Variants in GRM7 observed in about 807,000 individuals in gnomAD.
GRM7 encodes metabotropic glutamate receptor 7.
In GRM7, 35 loss-of-function variants were observed where a neutral mutation model predicts 84.5. The observed-to-expected ratio is 0.41, with a 90% CI of 0.32 to 0.55. GRM7 has a LOEUF of 0.55. GRM7 is among the 20% of genes least tolerant of loss of function. The pLI is 0.19. For synonymous variants in GRM7, 487 were observed against 455.1 expected (o/e 1.07, Z -0.89); for missense variants, 1,003 against 1,194.6 (o/e 0.84, Z 2.36).
chr3:6,998,119 C>A lies in GRM7; in HGVS notation c.519+136212C>A, dbSNP rs1213643572. ...GGGCAAAAACAGCAAATCTCCATCT[C>A]AAAAAAAAAAAAAAAAAAAAGCAGG... On this transcript the variant is annotated intron_variant, in intron 1 of 9. Transcript: ENST00000357716. Among the ~76,000 whole-genome samples the A allele has an allele frequency of 2.7e-3, 50 of 18,420 alleles. 1 individual carries two copies. Among genetic ancestry groups the A allele is most frequent in the South Asian group, 0.02 (3 of 148 alleles). The allele number at this position is 18,420 out of a possible 152,430, so 12.1% of individuals were successfully genotyped here.
chr3:7,047,614 A>G (rs768642404), intron 1 of GRM7, among the ~76,000 whole-genome samples: 63 of 152,196 alleles, frequency 4.1e-4, no homozygotes, highest in Middle Eastern at 3.4e-3. Context: ...AGTGGTCCCT[A>G]TTGTCTAGTA....
intron 7 of GRM7, among the ~76,000 whole-genome samples, chr3:7,517,798 A>G (rs1456512014): frequency 1.3e-5 from 2 of 152,220 alleles, no homozygotes; most frequent in East Asian, 1.9e-4. Flanking sequence ...TAATGATTCA[A>G]TACATCTGAA....
At chr3:6,983,426 G>T (rs768784295) in intron 1 of GRM7, among the ~76,000 whole-genome samples, 1 of 152,122 alleles carries the variant, frequency 6.6e-6, no homozygotes, top group African/African-American at 2.4e-5. Flanking sequence ...AACTTCAGGG[G>T]ATGAATGGGG....
intron 1 of GRM7, among the ~76,000 whole-genome samples, chr3:6,999,665 G>A (rs1027138371): frequency 3.3e-5 from 5 of 152,172 alleles, no homozygotes; most frequent in African/African-American, 1.2e-4. Flanking sequence ...CAATCATGGT[G>A]GAAGAGGAAG....
At position 7,249,017 on chromosome 3, in the gene GRM7, T is replaced by G. The variant is rs192630884; in HGVS notation, c.737-49667T>G. Among the ~76,000 whole-genome samples the G allele has an allele frequency of 3.5e-4, 54 of 152,264 alleles. No homozygotes were observed. The East Asian group carries it at 0.01, about 28-fold the overall frequency. ...AGACAGCCATAGATATGAACATGGA[T>G]ATAGATATTTACATTAACTCGAGGA... On this transcript the variant is annotated intron_variant, in intron 2 of 9. Coordinates refer to ENST00000357716, the MANE Select transcript of GRM7 (RefSeq NM_000844.4).
chr3:7,446,358 G>C (rs952001062), intron 5 of GRM7, among the ~76,000 whole-genome samples: 1 of 151,680 alleles, frequency 6.6e-6, no homozygotes, highest in African/African-American at 2.4e-5. Context: ...GTCTACATTA[G>C]TAAACATCTT....
At chr3:6,918,665 G>A (rs1001788189) in intron 1 of GRM7, among the ~76,000 whole-genome samples, 3 of 152,178 alleles carry the variant, frequency 2.0e-5, no homozygotes, top group Non-Finnish European at 4.4e-5. Context: ...GTTCCCTAGA[G>A]TGCCAGAAAC....
chr3:7,562,367 A>G (rs912208407), intron 7 of GRM7, among the ~76,000 whole-genome samples: 3 of 152,020 alleles, frequency 2.0e-5, no homozygotes, highest in Non-Finnish European at 4.4e-5. Context: ...AAAAAGAAAA[A>G]AAAAATACTA....
chr3:6,901,764 T>C (rs71298403), intron 1 of GRM7, among the ~76,000 whole-genome samples: 1 of 151,904 alleles, frequency 6.6e-6, no homozygotes, highest in Non-Finnish European at 1.5e-5. Flanking sequence ...TTTAACTTTG[T>C]GTTGACTAGT....
intron 1 of GRM7, among the ~76,000 whole-genome samples, chr3:7,121,906 T>C (rs1411738333): frequency 6.6e-6 from 1 of 152,142 alleles, no homozygotes; most frequent in Non-Finnish European, 1.5e-5. Flanking sequence ...GTGAAAGTCA[T>C]TATGGAAGGA....
intron 6 of GRM7, 113 bp downstream of exon 6, chr3:7,452,920 T>A: frequency 1.5e-6 from 1 of 663,060 alleles, no homozygotes; most frequent in Non-Finnish European, 2.6e-6. Flanking sequence ...ACTTGCTTGA[T>A]TATAAAACTT....
At chr3:7,276,804 T>TCCCTCCCTCCC (rs1699086357) in intron 2 of GRM7, among the ~76,000 whole-genome samples, 1 of 294 alleles carries the variant, frequency 3.4e-3, no homozygotes, top group African/African-American at 6.0e-3. Context: ...CCTTCCTTCC[T>TCCCTCCCTCCC]TTTTGGTGGT....
intron 1 of GRM7, among the ~76,000 whole-genome samples, chr3:7,024,070 G>A (rs183302573): frequency 7.7e-4 from 118 of 152,274 alleles, no homozygotes; most frequent in African/African-American, 2.5e-3. Context: ...GGTTCAAGTG[G>A]CTCCGGTAAC....
At chr3:7,332,257 C>A (rs1339306149) in intron 4 of GRM7, among the ~76,000 whole-genome samples, 1 of 152,122 alleles carries the variant, frequency 6.6e-6, no homozygotes, top group Non-Finnish European at 1.5e-5. Flanking sequence ...ATGATTCTCC[C>A]AACAACTTTG....
chr3:7,019,808 A>G (rs1695712524), intron 1 of GRM7, among the ~76,000 whole-genome samples: 1 of 152,188 alleles, frequency 6.6e-6, no homozygotes, highest in African/African-American at 2.4e-5. Context: ...AAAAAACCCA[A>G]TTTGACCGAA....
chr3:7,559,858 T>C (rs998001976), intron 7 of GRM7, among the ~76,000 whole-genome samples: 2 of 151,982 alleles, frequency 1.3e-5, no homozygotes, highest in African/African-American at 4.8e-5. Flanking sequence ...TGGTGAGGGC[T>C]CTCCTCTGGG....
chr3:6,967,306 G>A (rs1693560098), intron 1 of GRM7, among the ~76,000 whole-genome samples: 1 of 152,072 alleles, frequency 6.6e-6, no homozygotes, highest in Non-Finnish European at 1.5e-5. Flanking sequence ...GATCTTCCCA[G>A]CTCAGCCTCC....
chr3:7,395,259 TG>T (rs1427536653), intron 4 of GRM7, among the ~76,000 whole-genome samples: 1 of 152,200 alleles, frequency 6.6e-6, no homozygotes, highest in African/African-American at 2.4e-5. Flanking sequence ...TGTATTCACA[TG>T]TATCTATGAT....
chr3:7,438,393 T>C (rs1697146719), intron 5 of GRM7, among the ~76,000 whole-genome samples: 1 of 151,974 alleles, frequency 6.6e-6, no homozygotes. Flanking sequence ...CACCCCCATT[T>C]CTGGCGTACA....
Sources: gnomAD v4.1 joint callset for allele counts (sites outside exome capture counted in the v4.1 genomes callset) on GRCh38, gnomAD v4.1.1 for gene constraint, MANE v1.5 for transcripts, NCBI Gene and HGNC (gene_info 2026-07-23, HGNC 2026-07-21) for gene names.